Variants in BCAS3 observed in about 807,000 individuals in gnomAD.
BCAS3 encodes the protein BCAS4/BCAS3 fusion.
Under a neutral mutation model 116.1 loss-of-function variants are expected in BCAS3, and 53 were observed. That is an observed-to-expected ratio of 0.46 (90% CI 0.37 to 0.57). The LOEUF is 0.57. Among genes scored for constraint, BCAS3 ranks in the 20% least tolerant of loss-of-function variants. The pLI is 0.00. For missense variants in BCAS3, 917 were observed against 1,165.4 expected, an observed-to-expected ratio of 0.79 and a Z score of 3.10; for synonymous variants, 391 against 408.2, an observed-to-expected ratio of 0.96 and a Z score of 0.51.
chr17:61,040,709 C>A, intron 18 of BCAS3, 83 bp from the exon 19 acceptor site: 1 of 1,100,168 alleles, frequency 9.1e-7, no homozygotes, highest in Non-Finnish European at 1.4e-6. Context: ...GTTTAAGTCA[C>A]TGTTCATAAG....
chr17:61,156,595 A>G lies in BCAS3; in HGVS notation c.2425+72031A>G, dbSNP rs2077854543. Among the ~76,000 whole-genome samples, 1 of 151,898 alleles carries G rather than the reference A, an allele frequency of 6.6e-6. No homozygotes were observed. Among genetic ancestry groups the G allele is most frequent in the Non-Finnish European group, 1.5e-5 (1 of 67,958 alleles). On this transcript the variant is annotated intron_variant, in intron 22 of 23. Transcript: ENST00000407086. The surrounding 1 kb of genome is among the most constrained non-coding windows in gnomAD (Gnocchi z 4.7). ...AACCCCTGCCTCCCCTTTTATTTTT[A>G]TGTCGAGTTTCATCATTTGGTAAGA...
intron 5 of BCAS3, among the ~76,000 whole-genome samples, chr17:60,710,009 G>T (rs1210222152): frequency 6.6e-6 from 1 of 152,014 alleles, no homozygotes; most frequent in Non-Finnish European, 1.5e-5. Flanking sequence ...TTGAGATGGG[G>T]TCTGGCTGTA....
intron 22 of BCAS3, among the ~76,000 whole-genome samples, chr17:61,194,269 C>T (rs187056939): frequency 3.3e-5 from 5 of 152,190 alleles, no homozygotes; most frequent in Admixed American, 2.0e-4. Flanking sequence ...ATTACAAATG[C>T]GAGACAGAGA....
intron 22 of BCAS3, among the ~76,000 whole-genome samples, chr17:61,238,483 A>C (rs1003565242): frequency 4.0e-5 from 6 of 151,802 alleles, no homozygotes; most frequent in Non-Finnish European, 8.8e-5. Flanking sequence ...AGCCTCCCAA[A>C]GTGCTGGGAT....
chr17:61,026,952 T>C lies in BCAS3; in HGVS notation c.1638-7714T>C, dbSNP rs2066289911. The stretch of plus-strand genomic sequence containing the variant: ...TCCCGCATGCCTCATTCATTTGCTG[T>C]ACTCTCAAAAAGTAATTTGTTTTGT... On this transcript the variant is annotated intron_variant, in intron 16 of 23. Transcript: ENST00000407086. This position sits in a 1 kb window ranked among gnomAD's most constrained non-coding sequence, Gnocchi z 5.0. The C allele has an allele frequency of 1.9e-6, 3 of 1,563,058 alleles. No homozygotes were observed. The highest frequency in any genetic ancestry group is 3.6e-5 in the Admixed American group (2 of 55,244).
intron 4 of BCAS3, among the ~76,000 whole-genome samples, chr17:60,690,805 A>T (rs1490877420): frequency 6.6e-6 from 1 of 151,422 alleles, no homozygotes; most frequent in Non-Finnish European, 1.5e-5. Context: ...CTGCAGCCCT[A>T]GCTGCTCAGG....
chr17:61,081,831 C>T (rs1253645791), intron 21 of BCAS3, among the ~76,000 whole-genome samples: 7 of 152,198 alleles, frequency 4.6e-5, no homozygotes, highest in South Asian at 2.1e-4. Flanking sequence ...GATTTCTACA[C>T]GCCTGTGCAT....
intron 19 of BCAS3, among the ~76,000 whole-genome samples, chr17:61,046,410 C>A (rs918008312): frequency 6.6e-6 from 1 of 151,468 alleles, no homozygotes; most frequent in Non-Finnish European, 1.5e-5. Context: ...TCCTTGGTGT[C>A]ATGGGAAATT....
chr17:61,301,295 T>C (rs2053405619), intron 22 of BCAS3, among the ~76,000 whole-genome samples: 1 of 152,216 alleles, frequency 6.6e-6, no homozygotes, highest in Admixed American at 6.5e-5. Context: ...AGAAAACGTT[T>C]CCCAATCCCT....
chr17:61,291,448 G>A (rs750602231), intron 22 of BCAS3, among the ~76,000 whole-genome samples: 27 of 152,138 alleles, frequency 1.8e-4, no homozygotes, highest in Admixed American at 3.9e-4. Context: ...GCTAGGAACT[G>A]TTTTCAAGCC....
chr17:61,030,233 A>G (rs1287845063), intron 16 of BCAS3, among the ~76,000 whole-genome samples: 2 of 152,206 alleles, frequency 1.3e-5, no homozygotes, highest in East Asian at 3.9e-4. Flanking sequence ...GTCTCATGTT[A>G]GCGCCTTCCA....
intron 7 of BCAS3, among the ~76,000 whole-genome samples, chr17:60,817,685 G>T (rs2144667591): frequency 6.6e-6 from 1 of 152,240 alleles, no homozygotes; most frequent in African/African-American, 2.4e-5. Flanking sequence ...CTTCATCTCA[G>T]TTGGTTAGGA....
intron 14 of BCAS3, among the ~76,000 whole-genome samples, chr17:60,958,702 A>C (rs573480129): frequency 2.0e-5 from 3 of 152,364 alleles, no homozygotes; most frequent in African/African-American, 7.2e-5. Flanking sequence ...GATAATTCTA[A>C]AATTCACATG....
chr17:61,274,419 G>A (rs1288766898), intron 22 of BCAS3, among the ~76,000 whole-genome samples: 11 of 151,040 alleles, frequency 7.3e-5, no homozygotes. Flanking sequence ...CTCCTGAGTA[G>A]CTGGGATCAC....
intron 22 of BCAS3, among the ~76,000 whole-genome samples, chr17:61,310,481 G>A (rs1350018210): frequency 1.3e-5 from 2 of 151,598 alleles, no homozygotes; most frequent in African/African-American, 4.9e-5. Context: ...TTGAACCCAA[G>A]AGGCGGAGGT....
In BCAS3 at chr17:61,144,785, A is replaced by C. The variant is rs2077106270; in HGVS notation, c.2425+60221A>C. 6.6e-6 allele frequency among the ~76,000 whole-genome samples: 1 copy of C among 152,134 alleles called. No homozygotes were observed. The highest frequency in any genetic ancestry group is 1.9e-4 in the East Asian group (1 of 5,190). On this transcript the variant is annotated intron_variant, in intron 22 of 23. Coordinates refer to ENST00000407086, the MANE Select transcript of BCAS3 (RefSeq NM_017679.5). The surrounding 1 kb of genome is among the most constrained non-coding windows in gnomAD (Gnocchi z 5.0). ...GCTGAGGAAGCTAAAGGTCAAAGAT[A>C]TTTTCTTAGTCAGTTGATTTACCTC...
At chr17:60,720,072 T>G (rs1054851971) in intron 5 of BCAS3, 2 of 152,228 alleles carry the variant, frequency 1.3e-5, no homozygotes, top group African/African-American at 4.8e-5. Flanking sequence ...AAAGTTTCAG[T>G]GGTAAAAGTC....
intron 22 of BCAS3, among the ~76,000 whole-genome samples, chr17:61,110,587 G>T (rs1271344748): frequency 1.3e-5 from 2 of 152,220 alleles, no homozygotes; most frequent in African/African-American, 2.4e-5. Context: ...GGCTGGGAGG[G>T]TCCTACGCCC....
rs760957203 is a variant in BCAS3 at position 61,324,124 on chromosome 17, TC to T, written c.2426-44200del. On this transcript the variant is annotated intron_variant, in intron 22 of 23. Coordinates refer to ENST00000407086, the MANE Select transcript of BCAS3 (RefSeq NM_017679.5). This position sits in a 1 kb window ranked among gnomAD's most constrained non-coding sequence, Gnocchi z 4.6. ...AGCACATGGGACATACTGGGACTCTTCCCATCAGGCTGCAAACTCCTCCAGA... is the reference window on the plus strand; with the variant it reads ...AGCACATGGGACATACTGGGACTCTTCCATCAGGCTGCAAACTCCTCCAGA... 5.5e-4 allele frequency among the ~76,000 whole-genome samples: 84 copies of T among 152,280 alleles called. No homozygotes were observed. Among genetic ancestry groups the T allele is most frequent in the Admixed American group, 1.8e-3 (28 of 15,300 alleles).
Sources: gnomAD v4.1 joint callset for allele counts (sites outside exome capture counted in the v4.1 genomes callset) on GRCh38, gnomAD v4.1.1 for gene constraint, Gnocchi (gnomAD v3.1) non-coding constraint, MANE v1.5 for transcripts, NCBI Gene and HGNC (gene_info 2026-07-23, HGNC 2026-07-21) for gene names.